The following CETP variants were observed in gnomAD, a reference collection of about 807,000 sequenced individuals.
CETP encodes the protein BPI fold containing family F.
Under a neutral mutation model 66.5 loss-of-function variants are expected in CETP, and 56 were observed. That is an observed-to-expected ratio of 0.84 (90% CI 0.68 to 1.05). The LOEUF (loss-of-function observed/expected upper bound fraction) is 1.05. Ranked by LOEUF, CETP falls within the 50% of genes least tolerant of loss-of-function variation. CETP has a pLI of 0.00. For synonymous variants in CETP, 251 were observed against 245.7 expected (o/e 1.02, Z -0.20); for missense variants, 612 against 609.6 (o/e 1.00, Z -0.04).
intron 13 of CETP, 143 bp downstream of exon 13, chr16:56,981,823 C>A: frequency 2.5e-6 from 2 of 792,584 alleles, no homozygotes; most frequent in Non-Finnish European, 4.2e-6. Context: ...TCTCTTGTGA[C>A]CCTTCTTCTC....
intron 5 of CETP, 107 bp downstream of exon 5, chr16:56,970,108 C>A (rs913317710): frequency 3.8e-6 from 4 of 1,040,078 alleles, no homozygotes; most frequent in East Asian, 2.6e-5. Flanking sequence ...TGTGGGTGGC[C>A]AAACCTGAGG....
intron 10 of CETP, among the ~76,000 whole-genome samples, chr16:56,975,938 C>T (rs1408808608): frequency 2.6e-5 from 4 of 152,210 alleles, no homozygotes; most frequent in African/African-American, 7.2e-5. Flanking sequence ...CGCCTTCCTG[C>T]GGCCGTTCTC....
At chr16:56,982,143 A>C (rs751361029) in intron 13 of CETP, 22 bp from the exon 14 acceptor site, 5 of 1,611,336 alleles carry the variant, frequency 3.1e-6, no homozygotes, top group Non-Finnish European at 3.4e-6. Context: ...GGGAGGACTC[A>C]CCATGGGCAT....
At chr16:56,980,006 G>C (rs1188185091) in intron 11 of CETP, among the ~76,000 whole-genome samples, 1 of 152,068 alleles carries the variant, frequency 6.6e-6, no homozygotes, top group African/African-American at 2.4e-5. Context: ...CTTTATATTT[G>C]AATAAAAGTT....
At chr16:56,962,416 C>G in intron 1 of CETP, 1 of 613,896 alleles carries the variant, frequency 1.6e-6, no homozygotes, top group South Asian at 1.4e-5. Context: ...GGGGTTGAGT[C>G]AGGGGGTAAA....
rs5742907 is a variant in CETP at position 56,982,238 on chromosome 16, G to T, written c.1321+1G>T. ...GTGGGCATCCCTGAGGTCATGTCTC[G>T]TAAGTGTGGGCTGGAGGGGAAACTG... On this transcript the variant is annotated splice_donor_variant, in intron 14 of 15. Coordinates refer to ENST00000200676, the MANE Select transcript of CETP (RefSeq NM_000078.3). LOFTEE classifies it high-confidence loss of function. The T allele has an allele frequency of 1.1e-5, 17 of 1,613,898 alleles. No homozygotes were observed. The highest frequency in any genetic ancestry group is 1.4e-5 in the Non-Finnish European group (16 of 1,179,924).
At chr16:56,963,173 G>A (rs2056038143) in intron 2 of CETP, 49 bp downstream of exon 2, 1 of 1,458,194 alleles carries the variant, frequency 6.9e-7, no homozygotes, top group Non-Finnish European at 9.6e-7. Flanking sequence ...GAGGCGGGAG[G>A]AACAGCCTGG....
intron 2 of CETP, among the ~76,000 whole-genome samples, chr16:56,964,756 G>A (rs1281852223): frequency 1.3e-5 from 2 of 152,194 alleles, no homozygotes. Context: ...GAAAACTCCC[G>A]CCGCTAGCGG....
At position 56,963,006 on chromosome 16, in the gene CETP, C is replaced by A. The variant is rs746520916; in HGVS notation, c.119-4C>A. On this transcript the variant is annotated splice_region_variant and splice_polypyrimidine_tract_variant and intron_variant, in intron 1 of 15. Transcript: ENST00000200676. ...AGCCCCTCATCCACTGCCCTCCCCT[C>A]TAGTGAACCACGAGACTGCCAAGGT... is the stretch of plus-strand genomic sequence containing the variant. 1 of 1,613,676 alleles carries A rather than the reference C, an allele frequency of 6.2e-7. No individual in the cohort carries two copies. The highest frequency in any genetic ancestry group is 1.7e-5 in the Admixed American group (1 of 60,012).
intron 7 of CETP, among the ~76,000 whole-genome samples, chr16:56,971,684 C>T (rs2056111488): frequency 6.6e-6 from 1 of 152,178 alleles, no homozygotes; most frequent in South Asian, 2.1e-4. Flanking sequence ...AATTAGATTG[C>T]TCACATGGCT....
chr16:56,971,218 C>A, intron 6 of CETP, 103 bp from the exon 7 acceptor site: 2 of 1,505,476 alleles, frequency 1.3e-6, no homozygotes, highest in Non-Finnish European at 1.8e-6. Context: ...TGTGGCCAGT[C>A]CCCTGTGCCG....
chr16:56,978,297 C>G, intron 11 of CETP, 42 bp downstream of exon 11: 1 of 1,613,342 alleles, frequency 6.2e-7, no homozygotes, highest in South Asian at 1.1e-5. Context: ...GGGAACCTGA[C>G]TCACATATGG....
In CETP at chr16:56,962,051, C is replaced by A. The variant is rs148628525; in HGVS notation, c.72C>A (p.His24Gln). 8.1e-6 allele frequency: 13 copies of A among 1,614,156 alleles called. No individual in the cohort carries two copies. Among genetic ancestry groups the A allele is most frequent in the South Asian group, 1.1e-5 (1 of 91,088 alleles). ...ATGCCTGCTCCAAAGGCACCTCGCA[C>A]GAGGCAGGCATCGTGTGCCGCATCA... Reference protein sequence around the residue: ...NAHACSKGTSHEAGIVCRITK... With the variant: ...NAHACSKGTSQEAGIVCRITK... The change falls in exon 1 of 16, where the codon CAC becomes CAA. Residue 24 changes from histidine to glutamine, a missense_variant. His to Gln is a conservative substitution (Grantham distance 24). Coordinates refer to ENST00000200676, the MANE Select transcript of CETP (RefSeq NM_000078.3).
chr16:56,975,522 G>A (rs2056143482), intron 10 of CETP, among the ~76,000 whole-genome samples: 1 of 152,132 alleles, frequency 6.6e-6, no homozygotes, highest in South Asian at 2.1e-4. Flanking sequence ...GGGCTCAGAG[G>A]GCCCCAGCAA....
chr16:56,962,600 G>T (rs1436531895), intron 1 of CETP, among the ~76,000 whole-genome samples: 1 of 152,120 alleles, frequency 6.6e-6, no homozygotes, highest in African/African-American at 2.4e-5. Context: ...GTATAGGGAG[G>T]CTAAATGATA....
chr16:56,969,797 G>A, intron 4 of CETP, 116 bp downstream of exon 4: 1 of 1,547,066 alleles, frequency 6.5e-7, no homozygotes. Context: ...GCCCAGCCTG[G>A]GAAGTTTGCA....
At chr16:56,982,844 G>A (rs1279814326) in intron 14 of CETP, among the ~76,000 whole-genome samples, 14 of 152,168 alleles carry the variant, frequency 9.2e-5, no homozygotes, top group African/African-American at 2.9e-4. Context: ...GAGGAAGGGC[G>A]TGGAAACTGG....
chr16:56,983,050 C>T lies in CETP; in HGVS notation c.1322-276C>T, dbSNP rs12720887. Among the ~76,000 whole-genome samples, 1,029 of 152,316 alleles carry T rather than the reference C, an allele frequency of 6.8e-3. 9 individuals are homozygous for T. The highest frequency in any genetic ancestry group is 0.011 in the Non-Finnish European group (717 of 68,022). ...CTAGCAGGGTAGACTCAGCTAACTG[C>T]AGGTCATGTGGCCATTGTGGATGGG... is the stretch of plus-strand genomic sequence containing the variant. On this transcript the variant is annotated intron_variant, in intron 14 of 15. Coordinates refer to ENST00000200676, the MANE Select transcript of CETP (RefSeq NM_000078.3).
At chr16:56,966,229 C>T (rs1488611296) in intron 2 of CETP, among the ~76,000 whole-genome samples, 1 of 152,232 alleles carries the variant, frequency 6.6e-6, no homozygotes, top group Non-Finnish European at 1.5e-5. Flanking sequence ...AATTAATTCC[C>T]TCGCTTTCTG....
Sources: gnomAD v4.1 joint callset for allele counts (sites outside exome capture counted in the v4.1 genomes callset) on GRCh38, gnomAD v4.1.1 for gene constraint, MANE v1.5 for transcripts, NCBI Gene and HGNC (gene_info 2026-07-23, HGNC 2026-07-21) for gene names.